The following FOXN3 variants were observed in gnomAD, a reference collection of about 807,000 sequenced individuals.
FOXN3 encodes forkhead box N3.
FOXN3 carries 7 observed loss-of-function variants against 38.4 expected under a neutral mutation model. That is an observed-to-expected ratio of 0.18 (90% CI 0.10 to 0.34). The LOEUF (loss-of-function observed/expected upper bound fraction) is 0.34. Among genes scored for constraint, FOXN3 ranks in the 10% least tolerant of loss-of-function variants. The pLI, the probability that FOXN3 is intolerant of heterozygous loss-of-function variation, is 1.00. For synonymous variants in FOXN3, 230 were observed against 242.2 expected (o/e 0.95, Z 0.47); for missense variants, 456 against 613.4 (o/e 0.74, Z 2.71).
chr14:89,456,649 G>A lies in FOXN3; in HGVS notation c.-14-44159C>T, dbSNP rs185960389. Among the ~76,000 whole-genome samples the A allele has an allele frequency of 7.3e-3, 1,104 of 152,146 alleles. 6 individuals are homozygous for A. The highest frequency in any genetic ancestry group is 0.011 in the Non-Finnish European group (714 of 67,990). ...CGGGAGCCTGTAATCCCACCTACTC[G>A]GGAGGCTGAGGCATAAGAATCGCTT... On this transcript the variant is annotated intron_variant, in intron 1 of 6. Transcript: ENST00000345097.
intron 1 of FOXN3, among the ~76,000 whole-genome samples, chr14:89,563,892 C>T (rs1000927769): frequency 3.9e-5 from 6 of 152,168 alleles, no homozygotes; most frequent in Admixed American, 6.5e-5. Flanking sequence ...CTCTATCCCC[C>T]AGGCTGGAGC....
chr14:89,377,177 A>T (rs1267486038), intron 2 of FOXN3, among the ~76,000 whole-genome samples: 5 of 151,832 alleles, frequency 3.3e-5, no homozygotes, highest in African/African-American at 1.2e-4. Context: ...ACTGGCCTTG[A>T]CTGTCTCAGA....
chr14:89,536,547 C>T (rs549075312), intron 1 of FOXN3, among the ~76,000 whole-genome samples: 21 of 152,082 alleles, frequency 1.4e-4, no homozygotes, highest in Non-Finnish European at 2.2e-4. Flanking sequence ...TTTGGGAGGC[C>T]GAGGCGGGCG....
chr14:89,394,212 C>CTTTTTTT (rs35674375), intron 2 of FOXN3, among the ~76,000 whole-genome samples: 10 of 109,606 alleles, frequency 9.1e-5, no homozygotes, highest in East Asian at 2.8e-4. Context: ...GATCGACGTT[C>CTTTTTTT]TTTTTTTTTT....
intron 1 of FOXN3, among the ~76,000 whole-genome samples, chr14:89,517,070 C>T (rs866499342): frequency 2.0e-5 from 3 of 152,238 alleles, no homozygotes; most frequent in South Asian, 2.1e-4. Context: ...GTTGCCTCTT[C>T]GGCCACCACC....
intron 1 of FOXN3, among the ~76,000 whole-genome samples, chr14:89,590,550 G>A (rs1895928945): frequency 6.6e-6 from 1 of 152,132 alleles, no homozygotes; most frequent in African/African-American, 2.4e-5. Flanking sequence ...TGGGAATTTA[G>A]TTAGACTAGT....
chr14:89,312,282 C>A (rs1341643056), intron 3 of FOXN3, among the ~76,000 whole-genome samples: 1 of 13,822 alleles, frequency 7.2e-5, no homozygotes. Flanking sequence ...AAGACTCGGT[C>A]TCAAAAAAAA....
rs572780074 is a variant in FOXN3 at position 89,525,955 on chromosome 14, G to C, written c.-15+93073C>G. ...GAGTTTATTCCAGAAATGCAGGCTT[G>C]ATTTAACATTAGAAAGATCAATCAA... is the stretch of plus-strand genomic sequence containing the variant. On this transcript the variant is annotated intron_variant, in intron 1 of 6. Transcript: ENST00000345097. Among the ~76,000 whole-genome samples, 36 of 151,776 alleles carry C rather than the reference G, an allele frequency of 2.4e-4. No homozygotes were observed. The South Asian group carries it at 7.0e-3, about 30-fold the overall frequency.
intron 1 of FOXN3, among the ~76,000 whole-genome samples, chr14:89,612,859 C>T (rs1896420226): frequency 6.6e-6 from 1 of 151,708 alleles, no homozygotes; most frequent in Non-Finnish European, 1.5e-5. Context: ...GTGGCTCACG[C>T]TTGTGCTCCC....
intron 5 of FOXN3, among the ~76,000 whole-genome samples, chr14:89,173,059 A>G (rs1887431044): frequency 6.6e-6 from 1 of 152,218 alleles, no homozygotes; most frequent in South Asian, 2.1e-4. Flanking sequence ...TCTGCAACAT[A>G]TGTAGTCAAT....
At chr14:89,240,881 G>A (rs754717834) in intron 4 of FOXN3, among the ~76,000 whole-genome samples, 6 of 152,206 alleles carry the variant, frequency 3.9e-5, no homozygotes, top group African/African-American at 1.2e-4. Context: ...GGGTAGGGCC[G>A]GGCCTGGCTC....
At chr14:89,215,381 TC>T (rs1884240249) in intron 4 of FOXN3, among the ~76,000 whole-genome samples, 1 of 151,766 alleles carries the variant, frequency 6.6e-6, no homozygotes, top group Non-Finnish European at 1.5e-5. Context: ...CAAAGTAATA[TC>T]CCAACAAGAT....
chr14:89,191,751 C>CA (rs564577421), intron 4 of FOXN3, among the ~76,000 whole-genome samples: 6,462 of 106,994 alleles, frequency 0.06, 277 homozygotes, highest in African/African-American at 0.15. Flanking sequence ...AACAGGGTCT[C>CA]AAAAAAAAAA....
intron 3 of FOXN3, among the ~76,000 whole-genome samples, chr14:89,299,352 G>A (rs745404462): frequency 7.2e-5 from 11 of 152,208 alleles, no homozygotes; most frequent in South Asian, 2.1e-4. Context: ...CATGTAAGAC[G>A]TGATTGTGAG....
intron 5 of FOXN3, among the ~76,000 whole-genome samples, chr14:89,175,710 G>A (rs890986828): frequency 6.6e-6 from 1 of 152,188 alleles, no homozygotes; most frequent in African/African-American, 2.4e-5. Flanking sequence ...TGTTGGTTCA[G>A]TTGCTACAGA....
chr14:89,463,764 A>G (rs1395230460), intron 1 of FOXN3, among the ~76,000 whole-genome samples: 9 of 147,966 alleles, frequency 6.1e-5, no homozygotes, highest in East Asian at 2.0e-4. Flanking sequence ...AGAGATATGC[A>G]GGGGTAGTGG....
intron 1 of FOXN3, among the ~76,000 whole-genome samples, chr14:89,474,882 C>T (rs1392356075): frequency 6.6e-6 from 1 of 152,166 alleles, no homozygotes; most frequent in Non-Finnish European, 1.5e-5. Context: ...GTGGCACAAT[C>T]TCAGCTCACT....
intron 1 of FOXN3, among the ~76,000 whole-genome samples, chr14:89,522,019 CA>C (rs34340241): frequency 8.7e-5 from 12 of 137,410 alleles, no homozygotes; most frequent in African/African-American, 2.6e-4. Flanking sequence ...GACCCTGTCT[CA>C]AAAAAAAAGA....
intron 1 of FOXN3, among the ~76,000 whole-genome samples, chr14:89,478,050 G>T (rs1893248056): frequency 1.3e-5 from 2 of 152,150 alleles, no homozygotes; most frequent in Non-Finnish European, 2.9e-5. Context: ...GTGTGGCCTG[G>T]TGGAGGTGTC....
Sources: allele counts gnomAD v4.1 joint callset (sites outside exome capture counted in the v4.1 genomes callset), GRCh38; gene constraint gnomAD v4.1.1; transcripts MANE v1.5; gene names NCBI Gene and HGNC (gene_info 2026-07-23, HGNC 2026-07-21).